PTPRR: variants seen among roughly 807,000 people sequenced by gnomAD.
The protein encoded by PTPRR is protein tyrosine phosphatase receptor type R, also known as receptor-type tyrosine-protein phosphatase R.
In PTPRR, 38 loss-of-function variants were observed where a neutral mutation model predicts 77.2. That is an observed-to-expected ratio of 0.49 (90% CI 0.38 to 0.65). The LOEUF is 0.65. Among genes scored for constraint, PTPRR ranks in the 30% least tolerant of loss-of-function variants. The probability of loss-of-function intolerance (pLI) is 0.00; values close to 1 mark genes in which losing one functional copy is unlikely to be tolerated. For missense variants in PTPRR, 744 were observed against 799.2 expected, an observed-to-expected ratio of 0.93 and a Z score of 0.83; for synonymous variants, 299 against 283.1, an observed-to-expected ratio of 1.06 and a Z score of -0.57.
intron 6 of PTPRR, among the ~76,000 whole-genome samples, chr12:70,704,417 T>C (rs1888542272): frequency 6.6e-6 from 1 of 151,536 alleles, no homozygotes; most frequent in South Asian, 2.1e-4. Flanking sequence ...TGAGACCCCA[T>C]GTCAAAAATA....
chr12:70,669,242 A>G (rs1472593591), intron 10 of PTPRR, among the ~76,000 whole-genome samples: 1 of 151,926 alleles, frequency 6.6e-6, no homozygotes, highest in Non-Finnish European at 1.5e-5. Context: ...AATAGACTTA[A>G]AAGACTTTAC....
intron 6 of PTPRR, among the ~76,000 whole-genome samples, chr12:70,725,495 C>T (rs2136862401): frequency 6.6e-6 from 1 of 152,070 alleles, no homozygotes; most frequent in African/African-American, 2.4e-5. Flanking sequence ...TAGAAGTCCC[C>T]CCACCTCCCC....
At chr12:70,689,925 T>A (rs1437025305) in intron 8 of PTPRR, among the ~76,000 whole-genome samples, 10 of 152,228 alleles carry the variant, frequency 6.6e-5, no homozygotes, top group Non-Finnish European at 1.5e-5. Flanking sequence ...AGCTTAAGAC[T>A]TCCCTTCTTA....
At chr12:70,777,389 AC>A (rs1161296721) in intron 2 of PTPRR, among the ~76,000 whole-genome samples, 1 of 152,038 alleles carries the variant, frequency 6.6e-6, no homozygotes, top group Non-Finnish European at 1.5e-5. Context: ...CTATATTATA[AC>A]ATAAAATAAG....
At position 70,797,080 on chromosome 12, in the gene PTPRR, G is replaced by A. The variant is rs141043698; in HGVS notation, c.358-32302C>T. ...ACTGATGAAGGAGTATGGATAAGTC[G>A]TATCCTTCTCTTTGCTTTTGACTAT... On this transcript the variant is annotated intron_variant, in intron 2 of 13. Transcript: ENST00000283228. 3.9e-3 allele frequency among the ~76,000 whole-genome samples: 593 copies of A among 152,272 alleles called. 6 individuals are homozygous for A. The highest frequency in any genetic ancestry group is 0.014 in the African/African-American group (563 of 41,552).
At chr12:70,870,599 G>A (rs753201142) in intron 2 of PTPRR, among the ~76,000 whole-genome samples, 5 of 152,156 alleles carry the variant, frequency 3.3e-5, no homozygotes, top group Admixed American at 1.3e-4. Flanking sequence ...CTGTTAAAAC[G>A]TTAGACTTAC....
chr12:70,892,986 G>A lies in PTPRR; in HGVS notation c.59-9C>T, dbSNP rs542946021. The A allele has an allele frequency of 1.9e-6, 3 of 1,610,608 alleles. No individual in the cohort carries two copies. In the East Asian group the frequency reaches 6.7e-5, roughly 36 times the overall value. On this transcript the variant is annotated splice_polypyrimidine_tract_variant and intron_variant, in intron 1 of 13. Transcript: ENST00000283228. ...GTTTCCTGAAAAGCACCCTGAAAGA[G>A]GGAAGAAGCAGAAACAATATCAAAG...
At chr12:70,915,827 G>A (rs993239122) in intron 1 of PTPRR, among the ~76,000 whole-genome samples, 30 of 151,942 alleles carry the variant, frequency 2.0e-4, no homozygotes, top group African/African-American at 7.3e-4. Flanking sequence ...GTTTTTTGTG[G>A]GTGTTAAGAA....
chr12:70,722,799 A>G (rs901302908), intron 6 of PTPRR, among the ~76,000 whole-genome samples: 6 of 152,174 alleles, frequency 3.9e-5, no homozygotes, highest in African/African-American at 1.4e-4. Flanking sequence ...CATATCTGGA[A>G]TTTACAATAG....
chr12:70,730,298 G>A (rs1889607116), intron 6 of PTPRR, among the ~76,000 whole-genome samples: 1 of 151,910 alleles, frequency 6.6e-6, no homozygotes, highest in Non-Finnish European at 1.5e-5. Context: ...ATCACCTCAG[G>A]TCAGGAGTTC....
intron 8 of PTPRR, among the ~76,000 whole-genome samples, chr12:70,691,497 T>C (rs1461191450): frequency 6.6e-6 from 1 of 152,188 alleles, no homozygotes; most frequent in East Asian, 1.9e-4. Context: ...GACTCATTCA[T>C]TCCTGTGACT....
intron 1 of PTPRR, among the ~76,000 whole-genome samples, chr12:70,919,751 A>C (rs1893827873): frequency 7.0e-6 from 1 of 143,808 alleles, no homozygotes; most frequent in South Asian, 2.2e-4. Context: ...AGACAAGAGG[A>C]TTCTATTTGA....
chr12:70,765,691 A>G (rs1351832548), intron 2 of PTPRR, among the ~76,000 whole-genome samples: 1 of 152,174 alleles, frequency 6.6e-6, no homozygotes, highest in Non-Finnish European at 1.5e-5. Context: ...GAGATCTGAG[A>G]ACGGGTAGAC....
intron 1 of PTPRR, among the ~76,000 whole-genome samples, chr12:70,900,459 CT>C (rs1327301091): frequency 1.3e-5 from 2 of 151,360 alleles, no homozygotes; most frequent in East Asian, 3.9e-4. Context: ...CAACATTAGT[CT>C]GGGCAATGAT....
intron 2 of PTPRR, among the ~76,000 whole-genome samples, chr12:70,791,241 T>C (rs2137009854): frequency 6.6e-6 from 1 of 152,318 alleles, no homozygotes; most frequent in Admixed American, 6.5e-5. Flanking sequence ...TCCACCACTC[T>C]TCTTTGACTT....
Position 70,684,266 on chromosome 12 carries a change from T to C in PTPRR, c.1360-2A>G, listed in dbSNP as rs1887779270. On this transcript the variant is annotated splice_acceptor_variant, in intron 9 of 13. Coordinates refer to ENST00000283228, the MANE Select transcript of PTPRR (RefSeq NM_002849.4). LOFTEE classifies it high-confidence loss of function. ...GGCTTTCTCCTTGCCACTGTAGCCC[T>C]AGATGGAGTAAAGAAACAAAAATAT... is the stretch of plus-strand genomic sequence containing the variant. The C allele has an allele frequency of 6.2e-7, 1 of 1,605,132 alleles. No individual in the cohort carries two copies. Among genetic ancestry groups the C allele is most frequent in the Non-Finnish European group, 8.5e-7 (1 of 1,176,176 alleles).
At chr12:70,658,654 A>G (rs976863410) in intron 12 of PTPRR, among the ~76,000 whole-genome samples, 4 of 152,092 alleles carry the variant, frequency 2.6e-5, no homozygotes, top group African/African-American at 7.2e-5. Flanking sequence ...TAGTGGAACT[A>G]TGGGAAATAA....
chr12:70,697,777 A>G (rs1352677571), intron 8 of PTPRR, among the ~76,000 whole-genome samples: 1 of 152,028 alleles, frequency 6.6e-6, no homozygotes, highest in Non-Finnish European at 1.5e-5. Flanking sequence ...TTTCTGCTCC[A>G]TTTGTTGAAA....
intron 6 of PTPRR, among the ~76,000 whole-genome samples, chr12:70,718,800 A>C (rs1382723315): frequency 6.6e-6 from 1 of 152,258 alleles, no homozygotes; most frequent in Non-Finnish European, 1.5e-5. Context: ...GAAATACTAG[A>C]AGAATACATA....
Sources: gnomAD v4.1 joint callset for allele counts (sites outside exome capture counted in the v4.1 genomes callset) on GRCh38, gnomAD v4.1.1 for gene constraint, MANE v1.5 for transcripts, NCBI Gene and HGNC (gene_info 2026-07-23, HGNC 2026-07-21) for gene names.